Variants in XPR1 observed in about 807,000 individuals in gnomAD.
XPR1 encodes xenotropic and polytropic retrovirus receptor 1, also known as solute carrier family 53 member 1.
In XPR1, 28 loss-of-function variants were observed where a neutral mutation model predicts 87.5. That is an observed-to-expected ratio of 0.32 (90% CI 0.24 to 0.44). The LOEUF (loss-of-function observed/expected upper bound fraction) is 0.44. Among genes scored for constraint, XPR1 ranks in the 20% least tolerant of loss-of-function variants. XPR1 has a pLI of 1.00. For synonymous variants in XPR1, 300 were observed against 306.1 expected, an observed-to-expected ratio of 0.98 and a Z score of 0.21; for missense variants, 559 against 862.3, an observed-to-expected ratio of 0.65 and a Z score of 4.41.
chr1:180,742,203 T>G (rs567920902), intron 2 of XPR1, among the ~76,000 whole-genome samples: 2 of 152,272 alleles, frequency 1.3e-5, no homozygotes, highest in East Asian at 3.9e-4. Flanking sequence ...TTCATTTTGT[T>G]TACATTTTCT....
At chr1:180,819,457 T>G (rs1369688476) in intron 7 of XPR1, among the ~76,000 whole-genome samples, 1 of 152,190 alleles carries the variant, frequency 6.6e-6, no homozygotes, top group African/African-American at 2.4e-5. Context: ...ACTGAAAGCC[T>G]TAGAGATTTT....
At chr1:180,863,067 A>G (rs1309259663) in intron 11 of XPR1, among the ~76,000 whole-genome samples, 2 of 152,110 alleles carry the variant, frequency 1.3e-5, no homozygotes, top group Non-Finnish European at 2.9e-5. Context: ...GTTCCCAGCA[A>G]ATTAGGCCTT....
chr1:180,655,235 T>A (rs1655414834), intron 1 of XPR1, among the ~76,000 whole-genome samples: 1 of 152,190 alleles, frequency 6.6e-6, no homozygotes, highest in Non-Finnish European at 1.5e-5. Flanking sequence ...GAAATATCTG[T>A]TCAAGTCTTT....
intron 1 of XPR1, among the ~76,000 whole-genome samples, chr1:180,633,808 A>G (rs762864000): frequency 6.6e-6 from 1 of 152,178 alleles, no homozygotes. Flanking sequence ...AAAGAAGGGT[A>G]TTGGTCTTTC....
intron 1 of XPR1, among the ~76,000 whole-genome samples, chr1:180,646,310 G>T (rs1234746765): frequency 6.6e-6 from 1 of 152,162 alleles, no homozygotes; most frequent in Non-Finnish European, 1.5e-5. Flanking sequence ...TATCAGTGTG[G>T]TTAGCCACTA....
intron 2 of XPR1, among the ~76,000 whole-genome samples, chr1:180,767,598 A>C (rs1648337003): frequency 6.6e-6 from 1 of 152,226 alleles, no homozygotes; most frequent in African/African-American, 2.4e-5. Flanking sequence ...TAGAACATGT[A>C]GGTGAAAGAA....
intron 1 of XPR1, among the ~76,000 whole-genome samples, chr1:180,639,643 C>T (rs937080692): frequency 2.0e-5 from 3 of 151,996 alleles, no homozygotes; most frequent in African/African-American, 7.2e-5. Context: ...TTGTTAAAGT[C>T]GTAATTCATA....
At chr1:180,773,417 T>C (rs79123770) in intron 2 of XPR1, among the ~76,000 whole-genome samples, 2 of 152,222 alleles carry the variant, frequency 1.3e-5, no homozygotes, top group African/African-American at 4.8e-5. Context: ...CTTTATAAAC[T>C]ATGTTGCAGG....
chr1:180,788,655 A>C (rs1649268273), intron 3 of XPR1, among the ~76,000 whole-genome samples: 1 of 152,174 alleles, frequency 6.6e-6, no homozygotes, highest in African/African-American at 2.4e-5. Context: ...CTGAGCAGTA[A>C]TTGATGAAAA....
rs78896344 is a variant in XPR1 at position 180,682,834 on chromosome 1, G to A, written c.121+423G>A. ...TTACAATGGATGTGTGTGTGTGTGC[G>A]TGTGTGTGTGTGTGTGTGTAAGCAT... is the stretch of plus-strand genomic sequence containing the variant. On this transcript the variant is annotated intron_variant, in intron 2 of 14. Transcript: ENST00000367590. Among the ~76,000 whole-genome samples the A allele has an allele frequency of 6.0e-3, 870 of 145,242 alleles. 10 individuals carry two copies. Among genetic ancestry groups the A allele is most frequent in the African/African-American group, 0.02 (799 of 39,774 alleles).
chr1:180,747,484 A>G (rs1248895973), intron 2 of XPR1, among the ~76,000 whole-genome samples: 1 of 152,178 alleles, frequency 6.6e-6, no homozygotes, highest in Non-Finnish European at 1.5e-5. Context: ...TTAGATTTTT[A>G]GTGATCTTAA....
intron 2 of XPR1, among the ~76,000 whole-genome samples, chr1:180,722,003 C>T (rs1011082154): frequency 8.5e-5 from 13 of 152,186 alleles, no homozygotes; most frequent in African/African-American, 3.1e-4. Flanking sequence ...TGGCTCCTGC[C>T]TGTAATCCCA....
In XPR1 at chr1:180,814,936, A is replaced by T. The variant is rs192425866; in HGVS notation, c.763+3448A>T. Reference sequence around the variant, plus strand: ...AGAAGGAGGGAGTGAGTTATGAAGGAGAGAAGTGATAAATTGGCCAAAGGT... The same window carrying T: ...AGAAGGAGGGAGTGAGTTATGAAGGTGAGAAGTGATAAATTGGCCAAAGGT... On this transcript the variant is annotated intron_variant, in intron 7 of 14. Transcript: ENST00000367590. Among the ~76,000 whole-genome samples, 170 of 152,224 alleles carry T rather than the reference A, an allele frequency of 1.1e-3. 1 individual carries two copies. The highest frequency in any genetic ancestry group is 2.1e-3 in the South Asian group (10 of 4,818).
chr1:180,760,260 C>G (rs920533500), intron 2 of XPR1, among the ~76,000 whole-genome samples: 29 of 152,164 alleles, frequency 1.9e-4, no homozygotes, highest in Admixed American at 5.2e-4. Context: ...GAAGTTCTGG[C>G]CAGGGCAAAC....
At chr1:180,760,477 A>G (rs151290441) in intron 2 of XPR1, among the ~76,000 whole-genome samples, 3 of 152,308 alleles carry the variant, frequency 2.0e-5, no homozygotes, top group African/African-American at 4.8e-5. Flanking sequence ...ATAACAGACA[A>G]ACAGAGAGCC....
chr1:180,735,114 A>G (rs1658687200), intron 2 of XPR1, among the ~76,000 whole-genome samples: 1 of 152,214 alleles, frequency 6.6e-6, no homozygotes. Flanking sequence ...AAGTGCAGAA[A>G]CACACTTTGT....
chr1:180,662,323 G>A (rs1655805896), intron 1 of XPR1, among the ~76,000 whole-genome samples: 1 of 152,058 alleles, frequency 6.6e-6, no homozygotes, highest in African/African-American at 2.4e-5. Flanking sequence ...TATTCCAGAT[G>A]AAATAATCAG....
chr1:180,861,685 G>A (rs1652225894), intron 11 of XPR1, among the ~76,000 whole-genome samples: 1 of 151,972 alleles, frequency 6.6e-6, no homozygotes, highest in Non-Finnish European at 1.5e-5. Context: ...ACCATTTAAA[G>A]AAATACCAAT....
chr1:180,850,961 TA>T (rs34627089), intron 11 of XPR1, among the ~76,000 whole-genome samples: 120,323 of 139,400 alleles, frequency 0.86, 53,379 homozygotes, highest in Non-Finnish European at 0.98. Flanking sequence ...CCTGTGTCTT[TA>T]AAAAAAAAAA....
Sources: gnomAD v4.1 joint callset for allele counts (sites outside exome capture counted in the v4.1 genomes callset) on GRCh38, gnomAD v4.1.1 for gene constraint, MANE v1.5 for transcripts, NCBI Gene and HGNC (gene_info 2026-07-23, HGNC 2026-07-21) for gene names.